Variants in POLR2B observed in about 807,000 individuals in gnomAD.
The protein encoded by POLR2B is DNA-directed RNA polymerase II subunit RPB2.
In POLR2B, 57 loss-of-function variants were observed where a neutral mutation model predicts 144.6. That is an observed-to-expected ratio of 0.39 (90% CI 0.32 to 0.49). POLR2B has a LOEUF of 0.49. Among genes scored for constraint, POLR2B ranks in the 20% least tolerant of loss-of-function variants. POLR2B has a pLI of 0.83. For missense variants in POLR2B, 595 were observed against 1,467.4 expected (o/e 0.41, Z 9.71); for synonymous variants, 442 against 469.8 (o/e 0.94, Z 0.77).
At position 56,978,974 on chromosome 4, in the gene POLR2B, C is replaced by T. The variant is rs1578548573; in HGVS notation, c.-12C>T. ...ATTTCAAGAGTTAGGAGCTCGAGAA[C>T]CGTTTGGCAATATGTACGACGCGGA... On this transcript the variant is annotated 5_prime_UTR_variant, in exon 1 of 25. Coordinates refer to ENST00000314595, the MANE Select transcript of POLR2B (RefSeq NM_000938.3). The T allele has an allele frequency of 6.2e-7, 1 of 1,613,576 alleles. No homozygotes were observed. Among genetic ancestry groups the T allele is most frequent in the Non-Finnish European group, 8.5e-7 (1 of 1,179,642 alleles).
rs529707122 is a variant in POLR2B at position 56,985,326 on chromosome 4, G to A, written c.20-1028G>A. 77 of 985,496 alleles carry A rather than the reference G, an allele frequency of 7.8e-5. No individual in the cohort carries two copies. The South Asian group carries it at 3.1e-3, about 39-fold the overall frequency. 61.0% of individuals were successfully genotyped at this position (985,496 alleles called of 1,614,324 possible). A position where few individuals can be genotyped will look rare whatever the true frequency, so the allele number is the denominator to read the frequency against. ...CTCAGCTCCTGCGAGGAGGCGGACC[G>A]CCCATTCCGTGCCCGGTAGCCGCGA... On this transcript the variant is annotated intron_variant, in intron 1 of 24. Transcript: ENST00000314595.
At chr4:57,013,454 G>T (rs767721135) in intron 13 of POLR2B, among the ~76,000 whole-genome samples, 1 of 152,186 alleles carries the variant, frequency 6.6e-6, no homozygotes, top group Non-Finnish European at 1.5e-5. Flanking sequence ...ATGTTGCCCA[G>T]TTGGTCTTGA....
chr4:56,993,321 TGAAAC>T (rs1722580562), intron 3 of POLR2B, among the ~76,000 whole-genome samples: 1 of 151,110 alleles, frequency 6.6e-6, no homozygotes, highest in South Asian at 2.1e-4. Flanking sequence ...CAAAACAAAA[TGAAAC>T]AAAACAAAAG....
chr4:56,985,340 C>CGGTAGCCGCGAGGGACCGGT (rs931513232), intron 1 of POLR2B: 18 of 985,486 alleles, frequency 1.8e-5, no homozygotes, highest in South Asian at 4.7e-5. Context: ...ATTCCGTGCC[C>CGGTAGCCGCGAGGGACCGGT]GGTAGCCGCG....
intron 2 of POLR2B, among the ~76,000 whole-genome samples, chr4:56,988,490 C>T (rs964053090): frequency 2.6e-5 from 4 of 151,984 alleles, no homozygotes; most frequent in Non-Finnish European, 5.9e-5. Flanking sequence ...ATAGCCAGAC[C>T]CTGTCTATCT....
Position 56,989,229 on chromosome 4 carries a change from A to G in POLR2B, c.93-1519A>G, listed in dbSNP as rs541445630. On this transcript the variant is annotated intron_variant, in intron 2 of 24. Coordinates refer to ENST00000314595, the MANE Select transcript of POLR2B (RefSeq NM_000938.3). The stretch of plus-strand genomic sequence containing the variant: ...TATAGTTCAGCTTCCTGGGGTAATG[A>G]AACTTATCTATAGTTTAGAAGCTAT... 5.3e-5 allele frequency among the ~76,000 whole-genome samples: 8 copies of G among 152,344 alleles called. No individual in the cohort carries two copies. In the South Asian group the frequency reaches 1.4e-3, roughly 28 times the overall value.
chr4:57,025,085 T>G, intron 22 of POLR2B, 86 bp downstream of exon 22: 1 of 722,450 alleles, frequency 1.4e-6, no homozygotes, highest in East Asian at 2.5e-5. Context: ...AACCTTTTAT[T>G]GAAGTATCAT....
At chr4:56,989,707 AGGTGTGGTGG>A (rs1578559164) in intron 2 of POLR2B, among the ~76,000 whole-genome samples, 1 of 152,312 alleles carries the variant, frequency 6.6e-6, no homozygotes, top group East Asian at 1.9e-4. Context: ...GGAGACGTGG[AGGTGTGGTGG>A]GGCACTTCCT....
intron 14 of POLR2B, 130 bp downstream of exon 14, chr4:57,015,786 GC>G: frequency 4.1e-6 from 1 of 243,858 alleles, no homozygotes; most frequent in Non-Finnish European, 7.1e-6. Flanking sequence ...TTTTGACACA[GC>G]CTCAGCTGTG....
chr4:56,995,197 C>T, intron 5 of POLR2B, 54 bp from the exon 6 acceptor site: 1 of 1,324,272 alleles, frequency 7.6e-7, no homozygotes, highest in Non-Finnish European at 1.1e-6. Context: ...ACTCTCTTTT[C>T]TCTTCAGTGA....
At chr4:56,986,119 T>C in intron 1 of POLR2B, 2 of 484,900 alleles carry the variant, frequency 4.1e-6, no homozygotes, top group Non-Finnish European at 7.4e-6. Flanking sequence ...AAACTTAACA[T>C]TCATACAACT....
At chr4:56,997,263 T>A (rs1334905632) in intron 6 of POLR2B, among the ~76,000 whole-genome samples, 1 of 151,870 alleles carries the variant, frequency 6.6e-6, no homozygotes, top group Non-Finnish European at 1.5e-5. Context: ...TGCAAAGTTT[T>A]TTTTTTTTTT....
chr4:57,021,367 A>G (rs910577308), intron 17 of POLR2B, among the ~76,000 whole-genome samples: 5 of 152,190 alleles, frequency 3.3e-5, no homozygotes, highest in Admixed American at 6.5e-5. Context: ...TTCAAGGCAT[A>G]TAAAGATTGT....
intron 1 of POLR2B, among the ~76,000 whole-genome samples, chr4:56,984,529 A>G (rs17087358): frequency 0.24 from 36,816 of 151,884 alleles, 4,704 homozygotes; most frequent in Middle Eastern, 0.35. Flanking sequence ...TCTAAAGCCG[A>G]TCTCATCATT....
chr4:57,023,576 T>C lies in POLR2B; in HGVS notation c.2762T>C (p.Ile921Thr). Residue 921 changes from isoleucine to threonine, a missense_variant, in exon 19 of 25, where the codon ATA becomes ACA. Physicochemically the swap from Ile to Thr is moderately conservative, Grantham distance 89. This residue lies in a region of POLR2B where 65 missense variants were observed against 282.8 expected (regional missense o/e 0.23). Coordinates refer to ENST00000314595, the MANE Select transcript of POLR2B (RefSeq NM_000938.3). This position sits in a 1 kb window ranked among gnomAD's most constrained non-coding sequence, Gnocchi z 4.3. ...LNQEGYKFCK[I>T]RVRSVRIPQI... ...CAGGAAGGATATAAATTTTGTAAAA[T>C]AAGGGTGAGTACAACTTTGTTCATG... is the stretch of plus-strand genomic sequence containing the variant. 1.2e-6 allele frequency: 2 copies of C among 1,613,838 alleles called. No homozygotes were observed. Among genetic ancestry groups the C allele is most frequent in the South Asian group, 1.1e-5 (1 of 91,070 alleles).
Position 56,988,795 on chromosome 4 carries a change from A to G in POLR2B, c.93-1953A>G, listed in dbSNP as rs555659350. ...ACACCAAGAGATATTTTATTAGGAA[A>G]CAATAACCAGGTAGATGTTCTGTGG... On this transcript the variant is annotated intron_variant, in intron 2 of 24. Transcript: ENST00000314595. Among the ~76,000 whole-genome samples the G allele has an allele frequency of 3.3e-3, 509 of 152,346 alleles. 2 individuals carry two copies. Among genetic ancestry groups the G allele is most frequent in the African/African-American group, 0.011 (460 of 41,582 alleles).
chr4:57,001,459 C>T (rs1722852612), intron 7 of POLR2B, among the ~76,000 whole-genome samples: 1 of 152,240 alleles, frequency 6.6e-6, no homozygotes, highest in African/African-American at 2.4e-5. Context: ...GCGTGCCTGG[C>T]CTCCTCGGCC....
chr4:57,021,193 G>A (rs1723537155), intron 17 of POLR2B, among the ~76,000 whole-genome samples, 198 bp downstream of exon 17: 1 of 152,110 alleles, frequency 6.6e-6, no homozygotes, highest in South Asian at 2.1e-4. Context: ...CTTTCTTTTG[G>A]TAAGGAAATA....
chr4:57,030,855 C>T, intron 24 of POLR2B, 44 bp from the exon 25 acceptor site: 1 of 1,159,962 alleles, frequency 8.6e-7, no homozygotes, highest in Non-Finnish European at 1.3e-6. Flanking sequence ...AGTGGGGTCA[C>T]TTCAATACAA....
Sources: allele counts gnomAD v4.1 joint callset (sites outside exome capture counted in the v4.1 genomes callset), GRCh38; gene constraint gnomAD v4.1.1; regional missense constraint gnomAD v4.1.1; non-coding constraint Gnocchi (gnomAD v3.1); transcripts MANE v1.5; gene names NCBI Gene and HGNC (gene_info 2026-07-23, HGNC 2026-07-21).